Variants in STK3 observed in about 807,000 individuals in gnomAD.
STK3 encodes serine/threonine-protein kinase 3.
A neutral mutation model predicts 58.0 loss-of-function variants in STK3; 41 were observed. The observed-to-expected ratio is 0.71, with a 90% CI of 0.55 to 0.92. The LOEUF (loss-of-function observed/expected upper bound fraction) is 0.92, where lower values mean the gene tolerates loss of function less well. Ranked by LOEUF, STK3 falls within the 40% of genes least tolerant of loss-of-function variation. STK3 has a pLI of 0.00. For missense variants in STK3, 479 were observed against 602.7 expected, an observed-to-expected ratio of 0.79 and a Z score of 2.15; for synonymous variants, 170 against 191.0, an observed-to-expected ratio of 0.89 and a Z score of 0.91.
chr8:98,582,135 T>C (rs1448269019), intron 7 of STK3, among the ~76,000 whole-genome samples: 1 of 152,166 alleles, frequency 6.6e-6, no homozygotes, highest in Admixed American at 6.5e-5. Flanking sequence ...AAGAATGTGA[T>C]AGGTTGATCT....
intron 10 of STK3, among the ~76,000 whole-genome samples, chr8:98,525,446 T>G (rs1482024137): frequency 6.6e-6 from 1 of 151,990 alleles, no homozygotes; most frequent in Non-Finnish European, 1.5e-5. Flanking sequence ...AAAAAAAGAT[T>G]TATTCCAACT....
chr8:98,593,334 T>G (rs1468963885), intron 7 of STK3, among the ~76,000 whole-genome samples: 1 of 152,230 alleles, frequency 6.6e-6, no homozygotes, highest in South Asian at 2.1e-4. Context: ...TTTTTAAATA[T>G]TGTTTCTTTG....
chr8:98,491,268 GT>G (rs1822678110), intron 10 of STK3, among the ~76,000 whole-genome samples: 1 of 151,330 alleles, frequency 6.6e-6, no homozygotes, highest in African/African-American at 2.4e-5. Context: ...TTGTAATTTG[GT>G]AGTATTTAAA....
At chr8:98,838,988 TTGTGTGTG>T (rs35564732) in intron 3 of STK3, among the ~76,000 whole-genome samples, 17 of 145,068 alleles carry the variant, frequency 1.2e-4, no homozygotes, top group African/African-American at 2.3e-4. Context: ...TTTGTTTGTT[TTGTGTGTG>T]TGTGTGTGTG....
At chr8:98,836,150 G>A (rs1835738751) in intron 3 of STK3, among the ~76,000 whole-genome samples, 1 of 151,950 alleles carries the variant, frequency 6.6e-6, no homozygotes, top group Non-Finnish European at 1.5e-5. Context: ...GCAGTGAGCT[G>A]AGATCGCACT....
Position 98,619,406 on chromosome 8 carries a change from G to C in STK3, c.685-23237C>G, listed in dbSNP as rs199612240. ...TTACCATTCAGGACATAGGCGTGGG[G>C]AAGGACTTCATGTCCAAAACACCAA... On this transcript the variant is annotated intron_variant, in intron 6 of 10. Coordinates refer to ENST00000419617, the MANE Select transcript of STK3 (RefSeq NM_006281.4). Among the ~76,000 whole-genome samples, 1,080 of 149,308 alleles carry C rather than the reference G, an allele frequency of 7.2e-3. 12 individuals carry two copies. Among genetic ancestry groups the C allele is most frequent in the African/African-American group, 0.026 (1,012 of 39,256 alleles).
At chr8:98,708,121 A>G (rs1469403423) in intron 4 of STK3, among the ~76,000 whole-genome samples, 4 of 151,622 alleles carry the variant, frequency 2.6e-5, no homozygotes, top group Non-Finnish European at 4.4e-5. Context: ...CCTGGGCGAC[A>G]CAGCGAGACT....
At chr8:98,653,471 A>G (rs910858885) in intron 6 of STK3, among the ~76,000 whole-genome samples, 3 of 152,188 alleles carry the variant, frequency 2.0e-5, no homozygotes, top group Non-Finnish European at 4.4e-5. Context: ...AAGGGAAGAA[A>G]TAACTAAAAT....
chr8:98,928,243 G>T (rs1244055790), intron 1 of STK3, among the ~76,000 whole-genome samples: 1 of 152,190 alleles, frequency 6.6e-6, no homozygotes, highest in Non-Finnish European at 1.5e-5. Context: ...CACAGACACA[G>T]TCCACTGGAG....
At chr8:98,761,518 A>G (rs1830614223) in intron 3 of STK3, among the ~76,000 whole-genome samples, 1 of 152,220 alleles carries the variant, frequency 6.6e-6, no homozygotes, top group African/African-American at 2.4e-5. Context: ...TCTTCCTAAT[A>G]TGAGCATGTG....
intron 1 of STK3, among the ~76,000 whole-genome samples, chr8:98,887,719 T>A (rs1587804219): frequency 1.3e-5 from 2 of 152,188 alleles, no homozygotes; most frequent in East Asian, 1.9e-4. Context: ...GATAACTATT[T>A]ATAGTAGGTT....
At chr8:98,840,701 T>C (rs1245416904) in intron 3 of STK3, among the ~76,000 whole-genome samples, 1 of 150,656 alleles carries the variant, frequency 6.6e-6, no homozygotes, top group Non-Finnish European at 1.5e-5. Context: ...ATTAATTGCC[T>C]ATTGCCGAAT....
chr8:98,512,563 C>T (rs1247036365), intron 10 of STK3, among the ~76,000 whole-genome samples: 1 of 151,830 alleles, frequency 6.6e-6, no homozygotes, highest in East Asian at 1.9e-4. Context: ...AATTTCTTAC[C>T]AAAAAGTTAG....
intron 6 of STK3, among the ~76,000 whole-genome samples, chr8:98,617,851 C>G (rs965758928): frequency 2.0e-5 from 3 of 152,056 alleles, no homozygotes; most frequent in Non-Finnish European, 2.9e-5. Flanking sequence ...AGTCCAGGAC[C>G]AGATGGATTC....
chr8:98,520,509 G>T (rs923555076), intron 10 of STK3, among the ~76,000 whole-genome samples: 1 of 152,056 alleles, frequency 6.6e-6, no homozygotes, highest in Non-Finnish European at 1.5e-5. Context: ...TTAGGAATCT[G>T]CTCTGAGTAC....
At chr8:98,487,966 G>T (rs1822401922) in intron 10 of STK3, among the ~76,000 whole-genome samples, 1 of 152,166 alleles carries the variant, frequency 6.6e-6, no homozygotes, top group African/African-American at 2.4e-5. Context: ...CAACGTAATG[G>T]CCAATAACTA....
At chr8:98,708,881 T>C (rs1261308108) in intron 4 of STK3, among the ~76,000 whole-genome samples, 2 of 151,574 alleles carry the variant, frequency 1.3e-5, no homozygotes, top group East Asian at 3.9e-4. Flanking sequence ...CTTTCAACCA[T>C]ACCAGAATTT....
intron 1 of STK3, among the ~76,000 whole-genome samples, chr8:98,448,231 T>C (rs1468549035): frequency 6.6e-6 from 1 of 152,138 alleles, no homozygotes; most frequent in Admixed American, 6.5e-5. Flanking sequence ...TGCAAACTGA[T>C]TTATGGTCGT....
intron 6 of STK3, among the ~76,000 whole-genome samples, chr8:98,698,111 T>G (rs1825160855): frequency 6.6e-6 from 1 of 152,184 alleles, no homozygotes; most frequent in African/African-American, 2.4e-5. Context: ...CCTTCACCAT[T>G]ATGTAATGGC....
Sources: allele counts gnomAD v4.1 joint callset (sites outside exome capture counted in the v4.1 genomes callset), GRCh38; gene constraint gnomAD v4.1.1; transcripts MANE v1.5; gene names NCBI Gene and HGNC (gene_info 2026-07-23, HGNC 2026-07-21).